MEF2A: variants seen among roughly 807,000 people sequenced by gnomAD.
The protein encoded by MEF2A is myocyte-specific enhancer factor 2A.
MEF2A carries 28 observed loss-of-function variants against 55.8 expected under a neutral mutation model. The ratio of observed to expected loss-of-function variants is 0.50; its 90% confidence interval spans 0.37 to 0.69. The LOEUF (loss-of-function observed/expected upper bound fraction) is 0.69, where lower values mean the gene tolerates loss of function less well. MEF2A is among the 30% of genes least tolerant of loss of function. The probability of loss-of-function intolerance (pLI) is 0.00; values close to 1 mark genes in which losing one functional copy is unlikely to be tolerated. For missense variants in MEF2A, 528 were observed against 626.2 expected, an observed-to-expected ratio of 0.84 and a Z score of 1.67; for synonymous variants, 239 against 227.1, an observed-to-expected ratio of 1.05 and a Z score of -0.47.
chr15:99,621,985 C>T (rs1042127254), intron 2 of MEF2A, among the ~76,000 whole-genome samples: 3 of 152,132 alleles, frequency 2.0e-5, no homozygotes, highest in African/African-American at 7.2e-5. Flanking sequence ...GTTTAAAGTC[C>T]ATGCTCTTAA....
chr15:99,647,326 C>G (rs951981113), intron 4 of MEF2A, among the ~76,000 whole-genome samples: 2 of 149,838 alleles, frequency 1.3e-5, no homozygotes, highest in Admixed American at 6.6e-5. Flanking sequence ...ATCTATATGT[C>G]TCATCAAAAG....
chr15:99,617,176 C>T (rs1350525900), intron 2 of MEF2A, among the ~76,000 whole-genome samples: 1 of 151,972 alleles, frequency 6.6e-6, no homozygotes, highest in African/African-American at 2.4e-5. Context: ...TAAAGACTGC[C>T]ATACTGAGTT....
At chr15:99,570,397 A>AC (rs1352547478) in intron 1 of MEF2A, among the ~76,000 whole-genome samples, 16 of 152,232 alleles carry the variant, frequency 1.1e-4, no homozygotes, top group Non-Finnish European at 2.1e-4. Flanking sequence ...AAACATAAAA[A>AC]GGAAACAAAG....
At chr15:99,606,938 A>G (rs1055478881) in intron 2 of MEF2A, among the ~76,000 whole-genome samples, 2 of 152,232 alleles carry the variant, frequency 1.3e-5, no homozygotes, top group Admixed American at 1.3e-4. Flanking sequence ...AGTTGGCTAC[A>G]TAAATAAACT....
At chr15:99,570,753 A>G (rs1961844914) in intron 1 of MEF2A, among the ~76,000 whole-genome samples, 2 of 152,268 alleles carry the variant, frequency 1.3e-5, no homozygotes, top group South Asian at 4.1e-4. Flanking sequence ...CATCTTCTAC[A>G]TAGAAATTGG....
intron 2 of MEF2A, among the ~76,000 whole-genome samples, chr15:99,610,239 G>A (rs772529999): frequency 2.0e-5 from 3 of 151,996 alleles, no homozygotes; most frequent in Non-Finnish European, 4.4e-5. Flanking sequence ...CAGAGCACCT[G>A]TACACTGAAA....
At chr15:99,657,302 A>G (rs569614316) in intron 4 of MEF2A, 1 of 145,142 alleles carries the variant, frequency 6.9e-6, no homozygotes, top group East Asian at 2.0e-4. Context: ...ACCCTGTCCT[A>G]CATCTAACTT....
chr15:99,593,642 A>G (rs1359185389), intron 1 of MEF2A, among the ~76,000 whole-genome samples: 1 of 152,134 alleles, frequency 6.6e-6, no homozygotes, highest in East Asian at 1.9e-4. Flanking sequence ...GTTTTCTTTG[A>G]CACTGCATTA....
intron 4 of MEF2A, among the ~76,000 whole-genome samples, chr15:99,648,298 G>T (rs1019808463): frequency 1.3e-5 from 2 of 152,094 alleles, no homozygotes; most frequent in Non-Finnish European, 2.9e-5. Flanking sequence ...TGCTTTGCAA[G>T]TTGATCTTAT....
chr15:99,706,913 T>G lies in MEF2A; in HGVS notation c.1009+58T>G, dbSNP rs2058101088. The G allele has an allele frequency of 3.2e-6, 5 of 1,542,570 alleles. No homozygotes were observed. The East Asian group carries it at 1.1e-4, about 35-fold the overall frequency. On this transcript the variant is annotated intron_variant, in intron 10 of 11. Coordinates refer to ENST00000557942, the MANE Select transcript of MEF2A (RefSeq NM_001319206.4). ...ACCGCTCTCTGTTTTGTGATCAACG[T>G]GTGCTTCTGTGATTTTTTTTAAGTA...
chr15:99,674,587 G>C lies in MEF2A; in HGVS notation c.585G>C (p.Gln195His). Residue 195 changes from glutamine to histidine, a missense_variant, in exon 6 of 12, where the codon CAG becomes CAC. Transcript: ENST00000557942. Reference protein sequence around the residue: ...LHRNVSPGAPQRPPSTGNAGG... With the variant: ...LHRNVSPGAPHRPPSTGNAGG... Reference sequence around the variant, plus strand: ...GAAATGTGTCTCCTGGAGCTCCTCAGAGACCACCAAGTACTGGCAATGCAG... The same window carrying C: ...GAAATGTGTCTCCTGGAGCTCCTCACAGACCACCAAGTACTGGCAATGCAG... The C allele has an allele frequency of 6.2e-7, 1 of 1,613,828 alleles. No homozygotes were observed. The highest frequency in any genetic ancestry group is 8.5e-7 in the Non-Finnish European group (1 of 1,179,796).
intron 7 of MEF2A, among the ~76,000 whole-genome samples, chr15:99,683,019 G>T (rs1009778815): frequency 5.3e-5 from 8 of 152,048 alleles, no homozygotes; most frequent in Admixed American, 6.6e-5. Context: ...TCCTATTTTT[G>T]AATAAAATTA....
intron 10 of MEF2A, among the ~76,000 whole-genome samples, chr15:99,707,927 A>G (rs2058221274): frequency 6.9e-6 from 1 of 145,452 alleles, no homozygotes. Flanking sequence ...TCAACAATAA[A>G]AGGTTTTATT....
Position 99,655,651 on chromosome 15 carries a change from T to G in MEF2A, c.258+9887T>G, listed in dbSNP as rs75076255. ...TGATAGGCTTTAGTAATGTTGAGAA[T>G]TATAGAAAGAGGAATGCAATTCCAT... On this transcript the variant is annotated intron_variant, in intron 4 of 11. Coordinates refer to ENST00000557942, the MANE Select transcript of MEF2A (RefSeq NM_001319206.4). 2.6e-5 allele frequency among the ~76,000 whole-genome samples: 4 copies of G among 152,076 alleles called. No individual in the cohort carries two copies. The East Asian group carries it at 7.7e-4, about 29-fold the overall frequency.
chr15:99,575,142 G>C (rs1454738641), intron 1 of MEF2A, among the ~76,000 whole-genome samples: 1 of 152,066 alleles, frequency 6.6e-6, no homozygotes, highest in Non-Finnish European at 1.5e-5. Context: ...TACTTCAACT[G>C]ATATCTCCTA....
chr15:99,591,491 G>T (rs1252041881), intron 1 of MEF2A, among the ~76,000 whole-genome samples: 1 of 152,074 alleles, frequency 6.6e-6, no homozygotes, highest in African/African-American at 2.4e-5. Flanking sequence ...TTTCTATTAT[G>T]TGCCTTGGTG....
chr15:99,697,432 C>G (rs570432434), intron 8 of MEF2A, among the ~76,000 whole-genome samples: 35 of 150,924 alleles, frequency 2.3e-4, no homozygotes, highest in African/African-American at 8.0e-4. Flanking sequence ...GATTATATGC[C>G]AGCAGTGAAC....
In MEF2A at chr15:99,633,085, T is replaced by A; in HGVS notation, c.-35T>A. Reference sequence around the variant, plus strand: ...GAAAATTAACTTTTGAATTAAATATTTGGAATATAAGGAAATAAGGAAAGT... The same window carrying A: ...GAAAATTAACTTTTGAATTAAATATATGGAATATAAGGAAATAAGGAAAGT... On this transcript the variant is annotated 5_prime_UTR_variant, in exon 3 of 12. It adds an upstream start codon to the 5' untranslated region. Transcript: ENST00000557942. The A allele has an allele frequency of 6.4e-7, 1 of 1,558,878 alleles. No homozygotes were observed. Among genetic ancestry groups the A allele is most frequent in the Non-Finnish European group, 8.8e-7 (1 of 1,141,922 alleles).
intron 3 of MEF2A, among the ~76,000 whole-genome samples, chr15:99,634,804 C>T (rs2043501659): frequency 6.6e-6 from 1 of 152,182 alleles, no homozygotes; most frequent in African/African-American, 2.4e-5. Flanking sequence ...CAGCTTCTTG[C>T]CTAGCTGCCA....
Sources: allele counts gnomAD v4.1 joint callset (sites outside exome capture counted in the v4.1 genomes callset), GRCh38; gene constraint gnomAD v4.1.1; transcripts MANE v1.5; gene names NCBI Gene and HGNC (gene_info 2026-07-23, HGNC 2026-07-21).